The following TRAK1 variants were observed in gnomAD, a reference collection of about 807,000 sequenced individuals.
TRAK1 encodes trafficking kinesin protein 1.
TRAK1 carries 33 observed loss-of-function variants against 92.1 expected under a neutral mutation model. The ratio of observed to expected loss-of-function variants is 0.36; its 90% CI spans 0.27 to 0.48. TRAK1 has a LOEUF of 0.48. Ranked by LOEUF, TRAK1 falls within the 20% of genes least tolerant of loss-of-function variation. The pLI, the probability that TRAK1 is intolerant of heterozygous loss-of-function variation, is 0.99. For missense variants in TRAK1, 1,123 were observed against 1,257.9 expected, an observed-to-expected ratio of 0.89 and a Z score of 1.62; for synonymous variants, 521 against 517.3, an observed-to-expected ratio of 1.01 and a Z score of -0.10.
intron 1 of TRAK1, among the ~76,000 whole-genome samples, chr3:42,061,322 A>AC (rs966089560): frequency 2.1e-4 from 3 of 14,066 alleles, no homozygotes; most frequent in South Asian, 2.7e-3. Context: ...CCCCACGCAC[A>AC]CCCCCCCATG....
At chr3:42,183,944 G>A (rs942653809) in intron 3 of TRAK1, among the ~76,000 whole-genome samples, 1 of 152,064 alleles carries the variant, frequency 6.6e-6, no homozygotes, top group Non-Finnish European at 1.5e-5. Flanking sequence ...TCTGTATACT[G>A]GCTCTGCCTA....
At chr3:42,069,576 A>G (rs1703827631) in intron 1 of TRAK1, among the ~76,000 whole-genome samples, 1 of 152,022 alleles carries the variant, frequency 6.6e-6, no homozygotes, top group African/African-American at 2.4e-5. Context: ...GGGATACTAT[A>G]TTCTGTACTT....
intron 1 of TRAK1, among the ~76,000 whole-genome samples, chr3:42,038,328 T>C (rs1451328530): frequency 6.6e-6 from 1 of 152,132 alleles, no homozygotes; most frequent in Non-Finnish European, 1.5e-5. Flanking sequence ...AGCAAGGAGA[T>C]ATTGGTGTTT....
chr3:42,156,568 A>G (rs972054250), intron 2 of TRAK1, among the ~76,000 whole-genome samples: 1 of 152,240 alleles, frequency 6.6e-6, no homozygotes, highest in Non-Finnish European at 1.5e-5. Flanking sequence ...ACTGATAAAA[A>G]TAAATGAATG....
intron 2 of TRAK1, among the ~76,000 whole-genome samples, chr3:42,157,967 A>G (rs1700759528): frequency 6.6e-6 from 1 of 152,030 alleles, no homozygotes. Flanking sequence ...TGAACTGTGT[A>G]CCCCCCAAAA....
chr3:42,193,710 T>G, intron 8 of TRAK1, 114 bp from the exon 9 acceptor site: 5 of 1,083,142 alleles, frequency 4.6e-6, no homozygotes, highest in South Asian at 1.3e-5. Context: ...GAGTATAAGA[T>G]GAGCATGTCC....
chr3:42,048,538 A>G (rs1576177331), intron 1 of TRAK1, among the ~76,000 whole-genome samples: 1 of 147,008 alleles, frequency 6.8e-6, no homozygotes, highest in Non-Finnish European at 1.5e-5. Flanking sequence ...CTTCGGTTAC[A>G]GTTCTTTTTT....
At chr3:42,070,575 G>T (rs1264553664) in intron 1 of TRAK1, among the ~76,000 whole-genome samples, 1 of 151,964 alleles carries the variant, frequency 6.6e-6, no homozygotes, top group Non-Finnish European at 1.5e-5. Context: ...CCACAGGTGC[G>T]CACTGCTGTA....
intron 1 of TRAK1, among the ~76,000 whole-genome samples, chr3:42,094,874 A>T (rs1337582334): frequency 6.6e-6 from 1 of 152,216 alleles, no homozygotes; most frequent in Non-Finnish European, 1.5e-5. Context: ...GTATAGTTGC[A>T]GTCCAAAGGC....
At chr3:42,178,387 C>G (rs1002626166) in intron 3 of TRAK1, among the ~76,000 whole-genome samples, 1 of 152,138 alleles carries the variant, frequency 6.6e-6, no homozygotes, top group Non-Finnish European at 1.5e-5. Context: ...TGAACCTTCA[C>G]TGTCACTGGG....
rs372868771 is a variant in TRAK1 at position 42,202,692 on chromosome 3, A to G, written c.1684A>G (p.Met562Val). Residue 562 changes from methionine (M) to valine (V), a missense_variant, in exon 13 of 16, where the codon ATG becomes GTG. Physicochemically the swap from Met to Val is conservative, Grantham distance 21. Transcript: ENST00000327628. This position sits in a 1 kb window ranked among gnomAD's most constrained non-coding sequence, Gnocchi z 6.1. ...CTCCGAGTTCACCGGCTTCTCTGGCATGTCCTTCAGCAGCCGCTCCTACCT... is the reference window on the plus strand; with the variant it reads ...CTCCGAGTTCACCGGCTTCTCTGGCGTGTCCTTCAGCAGCCGCTCCTACCT... ...RFSEFTGFSG[M>V]SFSSRSYLPE... The G allele has an allele frequency of 1.1e-5, 18 of 1,613,620 alleles. No individual in the cohort carries two copies. Among genetic ancestry groups the G allele is most frequent in the East Asian group, 2.2e-5 (1 of 44,862 alleles).
upstream of TRAK1, chr3:42,091,010 T>G (rs1369211517): frequency 1.2e-5 from 2 of 167,680 alleles, no homozygotes; most frequent in Non-Finnish European, 2.5e-5. Context: ...AGAATGCATC[T>G]GTGGCCTCCC....
intron 1 of TRAK1, among the ~76,000 whole-genome samples, chr3:42,043,880 A>G: frequency 6.6e-6 from 1 of 150,488 alleles, no homozygotes; most frequent in African/African-American, 2.5e-5. Flanking sequence ...TATACCTTTC[A>G]GTTGGCAGGA....
chr3:42,151,696 C>G (rs1699969284), intron 2 of TRAK1, among the ~76,000 whole-genome samples: 1 of 152,204 alleles, frequency 6.6e-6, no homozygotes, highest in Non-Finnish European at 1.5e-5. Flanking sequence ...TTTGTGGTTA[C>G]TTGCTTACAC....
intron 2 of TRAK1, among the ~76,000 whole-genome samples, chr3:42,163,785 A>G (rs941431266): frequency 2.0e-5 from 3 of 152,124 alleles, no homozygotes; most frequent in Non-Finnish European, 4.4e-5. Flanking sequence ...TTGTCATCTT[A>G]TGATAGATAA....
chr3:42,041,939 C>T (rs968852286), intron 1 of TRAK1, among the ~76,000 whole-genome samples: 7 of 152,098 alleles, frequency 4.6e-5, no homozygotes, highest in Non-Finnish European at 5.9e-5. Context: ...ATTGCAGGCA[C>T]GTGTCACCAC....
At chr3:42,113,438 A>G (rs1393890899) in intron 1 of TRAK1, among the ~76,000 whole-genome samples, 2 of 135,650 alleles carry the variant, frequency 1.5e-5, no homozygotes, top group Non-Finnish European at 3.1e-5. Flanking sequence ...TTTTTGAGGC[A>G]GAGAGGCAGA....
upstream of TRAK1, among the ~76,000 whole-genome samples, chr3:42,083,827 G>A (rs1439274664): frequency 1.3e-5 from 2 of 152,024 alleles, no homozygotes; most frequent in African/African-American, 2.4e-5. Flanking sequence ...CTGTGATTGT[G>A]CCACTGCACT....
chr3:42,061,884 A>C (rs1703458572), intron 1 of TRAK1, among the ~76,000 whole-genome samples: 1 of 152,244 alleles, frequency 6.6e-6, no homozygotes, highest in African/African-American at 2.4e-5. Context: ...ACGGATATTC[A>C]ATTCAAATGA....
Sources: allele counts gnomAD v4.1 joint callset (sites outside exome capture counted in the v4.1 genomes callset), GRCh38; gene constraint gnomAD v4.1.1; non-coding constraint Gnocchi (gnomAD v3.1); transcripts MANE v1.5; gene names NCBI Gene and HGNC (gene_info 2026-07-23, HGNC 2026-07-21).